ZBTB44: variants seen among roughly 807,000 people sequenced by gnomAD.
ZBTB44 encodes the protein zinc finger and BTB domain containing 44.
A neutral mutation model predicts 54.0 loss-of-function variants in ZBTB44; 15 were observed. That is an observed-to-expected ratio of 0.28 (90% CI 0.19 to 0.43). ZBTB44 has a LOEUF of 0.43. ZBTB44 is among the 20% of genes least tolerant of loss of function. ZBTB44 has a pLI of 1.00. For synonymous variants in ZBTB44, 230 were observed against 250.1 expected, an observed-to-expected ratio of 0.92 and a Z score of 0.76; for missense variants, 487 against 707.1, an observed-to-expected ratio of 0.69 and a Z score of 3.53.
At chr11:130,254,482 C>T (rs1471036161) in intron 2 of ZBTB44, among the ~76,000 whole-genome samples, 1 of 152,232 alleles carries the variant, frequency 6.6e-6, no homozygotes, top group African/African-American at 2.4e-5. Context: ...AAATGCTTAT[C>T]ATCACTGGCC....
At chr11:130,269,617 T>C (rs1284971513) in intron 1 of ZBTB44, among the ~76,000 whole-genome samples, 1 of 151,610 alleles carries the variant, frequency 6.6e-6, no homozygotes, top group Admixed American at 6.6e-5. Context: ...GAACCTACAA[T>C]TTTTTTTTAC....
intron 1 of ZBTB44, among the ~76,000 whole-genome samples, chr11:130,299,648 A>C (rs1592066095): frequency 6.6e-6 from 1 of 152,204 alleles, no homozygotes; most frequent in Non-Finnish European, 1.5e-5. Flanking sequence ...AAAAAAAAAA[A>C]ACAAAATAAC....
At chr11:130,251,943 G>A (rs1938037470) in intron 2 of ZBTB44, among the ~76,000 whole-genome samples, 1 of 152,100 alleles carries the variant, frequency 6.6e-6, no homozygotes, top group African/African-American at 2.4e-5. Flanking sequence ...ATGTAAATGG[G>A]CTAAATGCCC....
intron 1 of ZBTB44, chr11:130,296,554 G>A (rs894438072): frequency 2.2e-5 from 20 of 908,290 alleles, no homozygotes; most frequent in Admixed American, 1.5e-4. Context: ...ATGACCATCC[G>A]GATGACCCTA....
At chr11:130,259,979 C>CA (rs1247079350) in intron 2 of ZBTB44, among the ~76,000 whole-genome samples, 22 of 151,664 alleles carry the variant, frequency 1.5e-4, no homozygotes, top group African/African-American at 4.8e-4. Flanking sequence ...CCAGAGAAAA[C>CA]AACTATAAAT....
At chr11:130,269,303 T>TAATC (rs1555170290) in intron 1 of ZBTB44, among the ~76,000 whole-genome samples, 1 of 151,834 alleles carries the variant, frequency 6.6e-6, no homozygotes, top group Non-Finnish European at 1.5e-5. Context: ...ATTAATTAAT[T>TAATC]AATCTCATTT....
chr11:130,299,957 C>T (rs1941902169), intron 1 of ZBTB44, among the ~76,000 whole-genome samples: 1 of 152,116 alleles, frequency 6.6e-6, no homozygotes, highest in Non-Finnish European at 1.5e-5. Context: ...CATAAATACA[C>T]AATGGAATAT....
intron 1 of ZBTB44, among the ~76,000 whole-genome samples, chr11:130,307,228 T>G (rs529039046): frequency 4.0e-5 from 6 of 151,876 alleles, no homozygotes; most frequent in Non-Finnish European, 8.8e-5. Flanking sequence ...ACCAAGACCA[T>G]CCTGGCTAAC....
intron 1 of ZBTB44, among the ~76,000 whole-genome samples, chr11:130,284,026 G>T (rs2134296121): frequency 7.1e-6 from 1 of 141,362 alleles, no homozygotes; most frequent in African/African-American, 2.7e-5. Context: ...GGTGGCTCAT[G>T]CCTGTAATCC....
intron 1 of ZBTB44, among the ~76,000 whole-genome samples, chr11:130,288,669 A>T (rs1424730864): frequency 6.6e-6 from 1 of 152,026 alleles, no homozygotes; most frequent in East Asian, 1.9e-4. Context: ...AGGCCGAGGC[A>T]GGCAGATCAC....
chr11:130,271,706 C>T (rs1275920593), intron 1 of ZBTB44, among the ~76,000 whole-genome samples: 2 of 152,182 alleles, frequency 1.3e-5, no homozygotes, highest in Non-Finnish European at 2.9e-5. Flanking sequence ...CCATATTCCG[C>T]ATTTTTATTA....
At chr11:130,296,809 GT>G in intron 1 of ZBTB44, 1 of 751,614 alleles carries the variant, frequency 1.3e-6, no homozygotes, top group Non-Finnish European at 2.5e-6. Flanking sequence ...TACATATGAG[GT>G]TATGATTCCC....
intron 1 of ZBTB44, among the ~76,000 whole-genome samples, chr11:130,276,433 TTTTTTTTTC>T (rs1285715486): frequency 2.0e-5 from 3 of 149,676 alleles, no homozygotes; most frequent in African/African-American, 7.5e-5. Flanking sequence ...ATACGTTTCT[TTTTTTTTTC>T]TTTTTTTTTT....
intron 1 of ZBTB44, among the ~76,000 whole-genome samples, chr11:130,263,625 T>G (rs771256216): frequency 3.7e-4 from 56 of 152,210 alleles, no homozygotes; most frequent in Admixed American, 2.0e-3. Context: ...ATTTCCATCT[T>G]GAATAGGCCC....
At chr11:130,294,307 G>A (rs1306629695) in intron 1 of ZBTB44, among the ~76,000 whole-genome samples, 4 of 151,808 alleles carry the variant, frequency 2.6e-5, no homozygotes, top group Non-Finnish European at 4.4e-5. Flanking sequence ...TACTACTCAG[G>A]CGCCTGAGGC....
At chr11:130,282,265 C>T (rs1419415577) in intron 1 of ZBTB44, among the ~76,000 whole-genome samples, 3 of 152,276 alleles carry the variant, frequency 2.0e-5, no homozygotes, top group African/African-American at 7.2e-5. Flanking sequence ...GTCATCATCC[C>T]ACAGTGAAAC....
At chr11:130,272,638 G>A (rs549071688) in intron 1 of ZBTB44, among the ~76,000 whole-genome samples, 6 of 150,172 alleles carry the variant, frequency 4.0e-5, no homozygotes, top group South Asian at 2.1e-4. Flanking sequence ...TTTTGGTATC[G>A]TATCTACAAA....
intron 2 of ZBTB44, among the ~76,000 whole-genome samples, chr11:130,251,074 G>A (rs1266322280): frequency 6.6e-6 from 1 of 152,144 alleles, no homozygotes; most frequent in Non-Finnish European, 1.5e-5. Context: ...CTGCTAACTA[G>A]AATAACCCGT....
At chr11:130,233,447 A>G in intron 6 of ZBTB44, 65 bp from the exon 7 acceptor site, 1 of 1,518,912 alleles carries the variant, frequency 6.6e-7, no homozygotes, top group Non-Finnish European at 8.8e-7. Context: ...CATAACAGAA[A>G]TGACAAAGCT....
Sources: gnomAD v4.1 joint callset for allele counts (sites outside exome capture counted in the v4.1 genomes callset) on GRCh38, gnomAD v4.1.1 for gene constraint, MANE v1.5 for transcripts, NCBI Gene and HGNC (gene_info 2026-07-23, HGNC 2026-07-21) for gene names.